The following COL1A2 variants were observed in gnomAD, a reference collection of about 807,000 sequenced individuals.
COL1A2 encodes collagen alpha-2(I) chain.
COL1A2 carries 49 observed loss-of-function variants against 174.3 expected under a neutral mutation model. That is an observed-to-expected ratio of 0.28 (90% CI 0.22 to 0.36). The LOEUF (loss-of-function observed/expected upper bound fraction) is 0.36, where lower values mean the gene tolerates loss of function less well. Among genes scored for constraint, COL1A2 ranks in the 10% least tolerant of loss-of-function variants. The pLI, the probability that COL1A2 is intolerant of heterozygous loss-of-function variation, is 1.00. For missense variants in COL1A2, 1,438 were observed against 1,822.7 expected, an observed-to-expected ratio of 0.79 and a Z score of 3.84; for synonymous variants, 655 against 606.6, an observed-to-expected ratio of 1.08 and a Z score of -1.17.
intron 23 of COL1A2, 53 bp downstream of exon 23, chr7:94,411,207 TA>T: frequency 7.5e-7 from 1 of 1,340,098 alleles, no homozygotes; most frequent in Non-Finnish European, 1.0e-6. Context: ...CTTCCTTCTT[TA>T]AAGGGTTGGT....
chr7:94,395,997 G>A (rs999370863), intron 1 of COL1A2, among the ~76,000 whole-genome samples: 21 of 152,272 alleles, frequency 1.4e-4, no homozygotes, highest in African/African-American at 4.3e-4. Flanking sequence ...AGAGACCGGG[G>A]TTTTTCCCAT....
At position 94,400,296 on chromosome 7, in the gene COL1A2, G is replaced by A. The variant is rs1791665927; in HGVS notation, c.225+8G>A. The A allele has an allele frequency of 1.2e-6, 2 of 1,611,754 alleles. No individual in the cohort carries two copies. Among genetic ancestry groups the A allele is most frequent in the East Asian group, 2.2e-5 (1 of 44,808 alleles). ...CCCCCTGGTCTCGGTGGGGTAAGGT[G>A]TCTTACGTATTGCTAACTTTTAGCT... On this transcript the variant is annotated splice_region_variant and intron_variant, in intron 5 of 51. Coordinates refer to ENST00000297268, the MANE Select transcript of COL1A2 (RefSeq NM_000089.4).
In COL1A2 at chr7:94,429,594, T is replaced by A. The variant is rs1792359043; in HGVS notation, c.3954+164T>A. 3 of 644,690 alleles carry A rather than the reference T, an allele frequency of 4.7e-6. No individual in the cohort carries two copies. The African/African-American group carries it at 5.5e-5, about 12-fold the overall frequency. The allele number at this position is 644,690 out of a possible 1,614,324, so 39.9% of individuals were successfully genotyped here. A position where few individuals can be genotyped will look rare whatever the true frequency, so the allele number is the denominator to read the frequency against. On this transcript the variant is annotated intron_variant, in intron 51 of 51. Transcript: ENST00000297268. Reference sequence around the variant, plus strand: ...TTCAGTTTTTGTATGTATTTTATATTTATTTATTTATACGTATTAATTTCG... The same window carrying A: ...TTCAGTTTTTGTATGTATTTTATATATATTTATTTATACGTATTAATTTCG...
At chr7:94,400,380 C>A in intron 5 of COL1A2, 92 bp downstream of exon 5, 1 of 1,096,196 alleles carries the variant, frequency 9.1e-7, no homozygotes, top group Non-Finnish European at 1.4e-6. Context: ...AGGGATAATT[C>A]TTCCATTTGA....
In COL1A2 at chr7:94,426,503, T is replaced by A; in HGVS notation, c.3078T>A (p.Asn1026Lys). ...PRGLPGLKGH[N>K]GLQGLPGIAG... ...GTCTTCCTGGCTTAAAGGGACACAA[T>A]GGATTGCAAGGTCTGCCTGGTATCG... Residue 1026 changes from asparagine to lysine, a missense_variant, in exon 46 of 52, where the codon AAT becomes AAA. Physicochemically the swap from Asn to Lys is moderately conservative, Grantham distance 94. Transcript: ENST00000297268. 1 of 1,605,824 alleles carries A rather than the reference T, an allele frequency of 6.2e-7. No homozygotes were observed. Among genetic ancestry groups the A allele is most frequent in the Non-Finnish European group, 8.5e-7 (1 of 1,176,564 alleles).
Position 94,431,188 on chromosome 7 carries a change from G to A in COL1A2, c.*795G>A, listed in dbSNP as rs1044153762. On this transcript the variant is annotated 3_prime_UTR_variant, in exon 52 of 52. Transcript: ENST00000297268. ...TATGTGAGATGTTTAAATAAATTGT[G>A]AAAAAAATGAAATAAAGCATGTTTG... 3 of 152,408 alleles carry A rather than the reference G, an allele frequency of 2.0e-5. No homozygotes were observed. Among genetic ancestry groups the A allele is most frequent in the African/African-American group, 7.3e-5 (3 of 41,366 alleles). 9.4% of individuals were successfully genotyped at this position (152,408 alleles called of 1,614,324 possible). A position where few individuals can be genotyped will look rare whatever the true frequency, so the allele number is the denominator to read the frequency against.
chr7:94,402,604 C>T (rs1791709507), intron 6 of COL1A2, among the ~76,000 whole-genome samples: 1 of 151,914 alleles, frequency 6.6e-6, no homozygotes, highest in South Asian at 2.1e-4. Context: ...TACGAGCATG[C>T]AAAATGTATA....
chr7:94,429,129 T>A (rs1209982778), intron 50 of COL1A2, 59 bp from the exon 51 acceptor site: 1 of 1,359,928 alleles, frequency 7.4e-7, no homozygotes, highest in Non-Finnish European at 1.0e-6. Flanking sequence ...TTTTCATGTT[T>A]GACTCTTAGT....
In COL1A2 at chr7:94,409,653, G is replaced by A. The variant is rs752823576; in HGVS notation, c.936+45G>A. On this transcript the variant is annotated intron_variant, in intron 18 of 51. Transcript: ENST00000297268. ...TAAAATGTGCTGCTATGATTTTAAA[G>A]GCATTTAATGTGTGCTGCCTCTACA... 6.8e-6 allele frequency: 11 copies of A among 1,613,752 alleles called. No homozygotes were observed. The East Asian group carries it at 1.6e-4, about 23-fold the overall frequency.
chr7:94,417,547 T>C (rs1038522461), intron 31 of COL1A2, 177 bp from the exon 32 acceptor site: 1 of 631,656 alleles, frequency 1.6e-6, no homozygotes, highest in African/African-American at 1.8e-5. Flanking sequence ...CACCATGTCA[T>C]TAACAGCATC....
Position 94,402,111 on chromosome 7 carries a change from C to T in COL1A2, c.279+491C>T, listed in dbSNP as rs373206708. On this transcript the variant is annotated intron_variant, in intron 6 of 51. Transcript: ENST00000297268. ...CATTTTAAAATGGGAGAGTTTAAGC[C>T]CTTTTCTCAAAGTCATCCAGGTAAC... Among the ~76,000 whole-genome samples, 6 of 151,998 alleles carry T rather than the reference C, an allele frequency of 3.9e-5. No individual in the cohort carries two copies. In the South Asian group the frequency reaches 1.2e-3, roughly 31 times the overall value.
chr7:94,430,028 GGTTT>G (rs927582959), intron 51 of COL1A2: 108 of 577,404 alleles, frequency 1.9e-4, no homozygotes, highest in Middle Eastern at 9.4e-4. Context: ...TGGTTTTTTT[GGTTT>G]GTTTGTTTGT....
intron 12 of COL1A2, among the ~76,000 whole-genome samples, chr7:94,406,833 A>C (rs1791810549): frequency 6.6e-6 from 1 of 152,226 alleles, no homozygotes; most frequent in African/African-American, 2.4e-5. Flanking sequence ...GTTTTCAACT[A>C]TAAAATGTTC....
intron 48 of COL1A2, 76 bp downstream of exon 48, chr7:94,427,371 C>T (rs1015077136): frequency 2.9e-6 from 4 of 1,366,308 alleles, no homozygotes; most frequent in Middle Eastern, 2.3e-4. Context: ...ACCAAGACAA[C>T]TTTGACAACC....
At chr7:94,420,503 G>T in intron 36 of COL1A2, 38 bp from the exon 37 acceptor site, 1 of 1,614,062 alleles carries the variant, frequency 6.2e-7, no homozygotes, top group Non-Finnish European at 8.5e-7. Context: ...AGTAGAGTGG[G>T]TCGGAATACC....
chr7:94,400,805 G>A (rs1262454872), intron 5 of COL1A2, among the ~76,000 whole-genome samples: 1 of 152,070 alleles, frequency 6.6e-6, no homozygotes. Flanking sequence ...AATGGTATGA[G>A]TGCCAAATGA....
chr7:94,403,355 A>G (rs1229245898), intron 6 of COL1A2, among the ~76,000 whole-genome samples: 1 of 152,320 alleles, frequency 6.6e-6, no homozygotes, highest in African/African-American at 2.4e-5. Context: ...GTATTAAAAT[A>G]ATTTCCATGT....
intron 31 of COL1A2, among the ~76,000 whole-genome samples, chr7:94,416,985 G>T (rs896913653): frequency 6.6e-6 from 1 of 151,998 alleles, no homozygotes; most frequent in Non-Finnish European, 1.5e-5. Context: ...TAGAATCTGT[G>T]GTTTAGATTT....
At chr7:94,413,166 C>T in intron 26 of COL1A2, 30 bp downstream of exon 26, 1 of 1,602,990 alleles carries the variant, frequency 6.2e-7, no homozygotes, top group Non-Finnish European at 8.5e-7. Flanking sequence ...CAGATCTATT[C>T]ACATAGCATT....
Sources: gnomAD v4.1 joint callset for allele counts (sites outside exome capture counted in the v4.1 genomes callset) on GRCh38, gnomAD v4.1.1 for gene constraint, MANE v1.5 for transcripts, NCBI Gene and HGNC (gene_info 2026-07-23, HGNC 2026-07-21) for gene names.